LRRC8B: variants seen among roughly 807,000 people sequenced by gnomAD.
LRRC8B encodes volume-regulated anion channel subunit LRRC8B.
A neutral mutation model predicts 58.8 loss-of-function variants in LRRC8B; 23 were observed. The ratio of observed to expected loss-of-function variants is 0.39; its 90% CI spans 0.28 to 0.55. The LOEUF is 0.55. Ranked by LOEUF, LRRC8B falls within the 20% of genes least tolerant of loss-of-function variation. LRRC8B has a pLI of 0.62. For synonymous variants in LRRC8B, 359 were observed against 374.1 expected (o/e 0.96, Z 0.47); for missense variants, 694 against 936.0 (o/e 0.74, Z 3.37).
chr1:89,529,478 GTC>G (rs35629610), intron 1 of LRRC8B, among the ~76,000 whole-genome samples: 18 of 150,676 alleles, frequency 1.2e-4, no homozygotes, highest in African/African-American at 3.2e-4. Flanking sequence ...TGCAACCATA[GTC>G]TCTCTCTCTC....
At chr1:89,557,909 T>G (rs985268550) in intron 1 of LRRC8B, among the ~76,000 whole-genome samples, 14 of 152,156 alleles carry the variant, frequency 9.2e-5, no homozygotes, top group Admixed American at 7.2e-4. Flanking sequence ...CTCTAACATG[T>G]GCAGGGTTGA....
Position 89,582,905 on chromosome 1 carries a change from A to G in LRRC8B, c.255A>G (p.Thr85=), listed in dbSNP as rs781582372. ...ASMNTSSNPG[T]PLPLPLRIQN... is the part of the protein sequence containing the mutation. Reference sequence around the variant, plus strand: ...TGAACACATCCTCTAATCCTGGGACACCGCTTCCGCTCCCCCTCCGAATTC... The same window carrying G: ...TGAACACATCCTCTAATCCTGGGACGCCGCTTCCGCTCCCCCTCCGAATTC... The change falls in exon 5 of 6, where the codon ACA becomes ACG. Residue 85 remains threonine, a synonymous_variant. Coordinates refer to ENST00000330947, the MANE Select transcript of LRRC8B (RefSeq NM_001369817.2). 14 of 1,614,134 alleles carry G rather than the reference A, an allele frequency of 8.7e-6. No homozygotes were observed. In the East Asian group the frequency reaches 2.7e-4, roughly 31 times the overall value.
chr1:89,546,629 C>T (rs912493893), intron 1 of LRRC8B, among the ~76,000 whole-genome samples: 3 of 152,104 alleles, frequency 2.0e-5, no homozygotes, highest in Non-Finnish European at 2.9e-5. Flanking sequence ...CAATAAAAAG[C>T]AAATTAAACA....
At chr1:89,570,050 A>G (rs12091984) in intron 3 of LRRC8B, among the ~76,000 whole-genome samples, 1 of 152,088 alleles carries the variant, frequency 6.6e-6, no homozygotes, top group African/African-American at 2.4e-5. Context: ...AGGACATGAT[A>G]CCATTCTTTT....
rs1255443430 is a variant in LRRC8B, at chr1:89,597,404, T to C, written c.*4361T>C. 6.6e-6 allele frequency: 1 copy of C among 152,250 alleles called. No homozygotes were observed. Among genetic ancestry groups the C allele is most frequent in the Non-Finnish European group, 1.5e-5 (1 of 68,040 alleles). 9.4% of individuals were successfully genotyped at this position (152,250 alleles called of 1,614,324 possible). On this transcript the variant is annotated 3_prime_UTR_variant, in exon 6 of 6. Coordinates refer to ENST00000330947, the MANE Select transcript of LRRC8B (RefSeq NM_001369817.2). ...AATGCCTTCTGCATGTTGTACATTA[T>C]CTCTAACAGAGATGGTGCAATTTTA... is the stretch of plus-strand genomic sequence containing the variant.
Position 89,593,146 on chromosome 1 carries a change from G to A in LRRC8B, c.*103G>A. ...TCCCAGCACTTTGGGAGGCCAAGAT[G>A]GGCGGATTGCTTGAGGTCAGGAGTT... On this transcript the variant is annotated 3_prime_UTR_variant, in exon 6 of 6. Transcript: ENST00000330947. The A allele has an allele frequency of 8.5e-7, 1 of 1,182,900 alleles. No individual in the cohort carries two copies. Among genetic ancestry groups the A allele is most frequent in the South Asian group, 1.5e-5 (1 of 68,690 alleles). The allele number at this position is 1,182,900 out of a possible 1,614,324, so 73.3% of individuals were successfully genotyped here.
At chr1:89,530,972 T>C (rs930174702) in intron 1 of LRRC8B, among the ~76,000 whole-genome samples, 1 of 152,154 alleles carries the variant, frequency 6.6e-6, no homozygotes, top group Non-Finnish European at 1.5e-5. Context: ...CTTCCATGCA[T>C]CTTCCACGTA....
chr1:89,547,054 C>A (rs1336011909), intron 1 of LRRC8B, among the ~76,000 whole-genome samples: 1 of 152,064 alleles, frequency 6.6e-6, no homozygotes, highest in African/African-American at 2.4e-5. Context: ...AATTATTTTG[C>A]TATAATTTGT....
At chr1:89,525,274 G>T (rs1487671822) in intron 1 of LRRC8B, among the ~76,000 whole-genome samples, 1 of 152,196 alleles carries the variant, frequency 6.6e-6, no homozygotes, top group Non-Finnish European at 1.5e-5. Context: ...CTGTGTGCTG[G>T]GGTCATTTGG....
chr1:89,576,138 G>A lies in LRRC8B; in HGVS notation c.-124-3453G>A, dbSNP rs536474132. 6.6e-5 allele frequency among the ~76,000 whole-genome samples: 10 copies of A among 152,226 alleles called. No individual in the cohort carries two copies. The East Asian group carries it at 1.9e-3, about 29-fold the overall frequency. Reference sequence around the variant, plus strand: ...AAATAGCCTTTCAGCTGCTCCCTTTGTTTCTAATCCCTCTCCCATAATCCA... The same window carrying A: ...AAATAGCCTTTCAGCTGCTCCCTTTATTTCTAATCCCTCTCCCATAATCCA... On this transcript the variant is annotated intron_variant, in intron 3 of 5. Coordinates refer to ENST00000330947, the MANE Select transcript of LRRC8B (RefSeq NM_001369817.2).
intron 1 of LRRC8B, among the ~76,000 whole-genome samples, chr1:89,535,116 C>T (rs1557591885): frequency 6.6e-6 from 1 of 152,004 alleles, no homozygotes; most frequent in Admixed American, 6.6e-5. Flanking sequence ...CTGGAAAGAG[C>T]CAGCAGAAGG....
chr1:89,561,985 G>A (rs546902385), intron 1 of LRRC8B, among the ~76,000 whole-genome samples: 1 of 152,198 alleles, frequency 6.6e-6, no homozygotes, highest in African/African-American at 2.4e-5. Context: ...CAGAGACTAT[G>A]GAAGTAACAA....
chr1:89,592,601 T>C (rs1267416774), intron 5 of LRRC8B, among the ~76,000 whole-genome samples, 170 bp from the exon 6 acceptor site: 1 of 152,122 alleles, frequency 6.6e-6, no homozygotes, highest in Non-Finnish European at 1.5e-5. Flanking sequence ...ACTCCTGTCT[T>C]CATTTTCCCT....
Position 89,582,650 on chromosome 1 carries a change from C to A in LRRC8B, c.-1C>A. 1 of 1,608,192 alleles carries A rather than the reference C, an allele frequency of 6.2e-7. No individual in the cohort carries two copies. Among genetic ancestry groups the A allele is most frequent in the South Asian group, 1.1e-5 (1 of 90,896 alleles). On this transcript the variant is annotated 5_prime_UTR_variant, in exon 5 of 6. Coordinates refer to ENST00000330947, the MANE Select transcript of LRRC8B (RefSeq NM_001369817.2). ...TTTCTGTCCTCCTACAAGGGAAAGT[C>A]ATGATTACACTAACTGAGCTAAAAT...
At chr1:89,562,460 A>G (rs545424215) in intron 1 of LRRC8B, among the ~76,000 whole-genome samples, 1 of 151,832 alleles carries the variant, frequency 6.6e-6, no homozygotes, top group Admixed American at 6.6e-5. Flanking sequence ...AACTTCATAT[A>G]TTGCTATTTA....
intron 5 of LRRC8B, among the ~76,000 whole-genome samples, chr1:89,589,991 A>G (rs1654878620): frequency 6.6e-6 from 1 of 152,168 alleles, no homozygotes; most frequent in East Asian, 1.9e-4. Flanking sequence ...TGTTGTTGTC[A>G]TCTATTTTGT....
chr1:89,573,038 C>G (rs962434063), intron 3 of LRRC8B, among the ~76,000 whole-genome samples: 2 of 152,090 alleles, frequency 1.3e-5, no homozygotes, highest in African/African-American at 4.8e-5. Flanking sequence ...CGGTGGTTCA[C>G]GCCTGTAATC....
intron 1 of LRRC8B, among the ~76,000 whole-genome samples, chr1:89,536,118 A>G (rs1206592160): frequency 2.0e-5 from 3 of 152,184 alleles, no homozygotes; most frequent in African/African-American, 7.2e-5. Flanking sequence ...CACCCAACAC[A>G]TCACTTACTA....
intron 1 of LRRC8B, among the ~76,000 whole-genome samples, chr1:89,527,394 C>G (rs1017013300): frequency 1.3e-5 from 2 of 152,188 alleles, no homozygotes; most frequent in Non-Finnish European, 2.9e-5. Context: ...CATTCTGATT[C>G]TGTCATGTTA....
Sources: allele counts gnomAD v4.1 joint callset (sites outside exome capture counted in the v4.1 genomes callset), GRCh38; gene constraint gnomAD v4.1.1; transcripts MANE v1.5; gene names NCBI Gene and HGNC (gene_info 2026-07-23, HGNC 2026-07-21).